Variants in NT5DC1 observed in about 807,000 individuals in gnomAD.
NT5DC1 encodes the protein 5'-nucleotidase domain-containing protein 1.
In NT5DC1, 42 loss-of-function variants were observed where a neutral mutation model predicts 59.4. That is an observed-to-expected ratio of 0.71 (90% CI 0.55 to 0.92). The LOEUF is 0.92. Ranked by LOEUF, NT5DC1 falls within the 40% of genes least tolerant of loss-of-function variation. The probability of loss-of-function intolerance (pLI) is 0.00; values close to 1 mark genes in which losing one functional copy is unlikely to be tolerated. For missense variants in NT5DC1, 501 were observed against 537.1 expected (o/e 0.93, Z 0.66); for synonymous variants, 172 against 188.1 (o/e 0.91, Z 0.70).
chr6:116,162,691 G>A (rs1202766204), intron 6 of NT5DC1, among the ~76,000 whole-genome samples: 1 of 152,092 alleles, frequency 6.6e-6, no homozygotes, highest in Non-Finnish European at 1.5e-5. Flanking sequence ...TTTTGTTGAG[G>A]ACTTTTGCAT....
rs1779178445 is a variant in NT5DC1, at chr6:116,122,969, CATTG to C, written c.529+5029_529+5032del. ...AAAGATTTCCGTATATTAAATATTT[CATTG>C]ATTGTAGTGTACATACATGATTATA... On this transcript the variant is annotated intron_variant, in intron 6 of 11. Coordinates refer to ENST00000319550, the MANE Select transcript of NT5DC1 (RefSeq NM_152729.3). Among the ~76,000 whole-genome samples the C allele has an allele frequency of 3.3e-5, 5 of 152,154 alleles. No individual in the cohort carries two copies. In the South Asian group the frequency reaches 1.0e-3, roughly 32 times the overall value.
intron 6 of NT5DC1, among the ~76,000 whole-genome samples, chr6:116,173,649 C>A (rs1780666476): frequency 1.3e-5 from 2 of 152,104 alleles, no homozygotes; most frequent in African/African-American, 4.8e-5. Flanking sequence ...TCCTCTTTTC[C>A]TGCACATATT....
At chr6:116,204,072 G>A (rs1287579886) in intron 6 of NT5DC1, among the ~76,000 whole-genome samples, 2 of 151,868 alleles carry the variant, frequency 1.3e-5, no homozygotes, top group African/African-American at 2.4e-5. Context: ...ACTTTGGGCA[G>A]TATAATTTGG....
chr6:116,201,707 G>A (rs761738362), intron 6 of NT5DC1, among the ~76,000 whole-genome samples: 2 of 151,974 alleles, frequency 1.3e-5, no homozygotes, highest in Non-Finnish European at 2.9e-5. Flanking sequence ...TGACATGTGA[G>A]GTCATGGGCA....
chr6:116,241,386 G>A (rs937286895), intron 11 of NT5DC1, among the ~76,000 whole-genome samples: 1 of 152,158 alleles, frequency 6.6e-6, no homozygotes, highest in Non-Finnish European at 1.5e-5. Flanking sequence ...TTTACATAGA[G>A]AATTAAAATG....
intron 6 of NT5DC1, chr6:116,120,570 G>A: frequency 6.2e-7 from 1 of 1,606,524 alleles, no homozygotes; most frequent in South Asian, 1.1e-5. Context: ...GCTTGACCTG[G>A]TGGGCCTGGA....
chr6:116,168,772 A>G (rs193175003), intron 6 of NT5DC1, among the ~76,000 whole-genome samples: 3 of 151,990 alleles, frequency 2.0e-5, no homozygotes, highest in Non-Finnish European at 4.4e-5. Context: ...TACAGAGAAA[A>G]ATGTTGAGGT....
intron 6 of NT5DC1, among the ~76,000 whole-genome samples, chr6:116,214,395 TA>T (rs1677303900): frequency 6.6e-6 from 1 of 152,186 alleles, no homozygotes; most frequent in African/African-American, 2.4e-5. Flanking sequence ...TTTTATCAGA[TA>T]ACGTTAAATA....
intron 6 of NT5DC1, among the ~76,000 whole-genome samples, chr6:116,220,747 T>G (rs1442045048): frequency 1.3e-5 from 2 of 152,246 alleles, no homozygotes; most frequent in Non-Finnish European, 2.9e-5. Flanking sequence ...ATGTAAGGTT[T>G]TCTCTTACAG....
At chr6:116,165,029 G>A (rs569897091) in intron 6 of NT5DC1, among the ~76,000 whole-genome samples, 4 of 149,336 alleles carry the variant, frequency 2.7e-5, no homozygotes, top group East Asian at 1.9e-4. Flanking sequence ...CCTGGGAGGC[G>A]GAGCTTGCAG....
chr6:116,196,349 A>C (rs886658826), intron 6 of NT5DC1, among the ~76,000 whole-genome samples: 3 of 152,076 alleles, frequency 2.0e-5, no homozygotes, highest in Non-Finnish European at 4.4e-5. Context: ...TAACTACAGC[A>C]ACAAAATATA....
At chr6:116,234,917 G>T (rs1336201365) in intron 8 of NT5DC1, among the ~76,000 whole-genome samples, 1 of 152,082 alleles carries the variant, frequency 6.6e-6, no homozygotes, top group Non-Finnish European at 1.5e-5. Flanking sequence ...AAAACCCGCA[G>T]CCTCAGCTGC....
At chr6:116,177,180 C>T (rs971098126) in intron 6 of NT5DC1, among the ~76,000 whole-genome samples, 17 of 152,134 alleles carry the variant, frequency 1.1e-4, no homozygotes, top group Non-Finnish European at 1.2e-4. Context: ...TTGAGCTTTT[C>T]GTTTCCAACA....
chr6:116,233,359 T>G (rs999874761), intron 8 of NT5DC1, among the ~76,000 whole-genome samples: 1 of 152,222 alleles, frequency 6.6e-6, no homozygotes, highest in African/African-American at 2.4e-5. Flanking sequence ...TCTTCATTCA[T>G]TGCTGACCTG....
intron 9 of NT5DC1, chr6:116,237,767 AAC>A (rs1417135647): frequency 1.1e-5 from 3 of 263,888 alleles, no homozygotes; most frequent in Non-Finnish European, 2.3e-5. Context: ...TGGGCCCAGA[AAC>A]TTGAAAAGTG....
chr6:116,147,465 G>A (rs1779926893), intron 6 of NT5DC1, among the ~76,000 whole-genome samples: 2 of 151,606 alleles, frequency 1.3e-5, no homozygotes, highest in Admixed American at 1.3e-4. Context: ...AAAATAAAAA[G>A]ATAAATGACA....
chr6:116,146,865 C>T (rs975991042), intron 6 of NT5DC1, among the ~76,000 whole-genome samples: 3 of 151,648 alleles, frequency 2.0e-5, no homozygotes, highest in Non-Finnish European at 4.4e-5. Context: ...TGAAAAAATA[C>T]AGTTGTGCCC....
At chr6:116,145,596 T>A in intron 6 of NT5DC1, 1 of 182,524 alleles carries the variant, frequency 5.5e-6, no homozygotes, top group Non-Finnish European at 1.2e-5. Context: ...ACCTCTTACC[T>A]AATATTTGTT....
intron 6 of NT5DC1, among the ~76,000 whole-genome samples, chr6:116,206,336 A>G (rs1781448722): frequency 1.3e-5 from 2 of 151,982 alleles, no homozygotes; most frequent in African/African-American, 4.8e-5. Context: ...CATTGCATAT[A>G]ATTCACACAA....
Sources: allele counts gnomAD v4.1 joint callset (sites outside exome capture counted in the v4.1 genomes callset), GRCh38; gene constraint gnomAD v4.1.1; transcripts MANE v1.5; gene names NCBI Gene and HGNC (gene_info 2026-07-23, HGNC 2026-07-21).